Variants in CTNNA3 observed in about 807,000 individuals in gnomAD.
CTNNA3 encodes catenin alpha 3.
A neutral mutation model predicts 95.7 loss-of-function variants in CTNNA3; 76 were observed. The ratio of observed to expected loss-of-function variants is 0.79; its 90% CI spans 0.66 to 0.96. The LOEUF (loss-of-function observed/expected upper bound fraction) is 0.96. Among genes scored for constraint, CTNNA3 ranks in the 40% least tolerant of loss-of-function variants. The pLI is 0.00. For synonymous variants in CTNNA3, 431 were observed against 374.4 expected, an observed-to-expected ratio of 1.15 and a Z score of -1.74; for missense variants, 1,191 against 1,089.8, an observed-to-expected ratio of 1.09 and a Z score of -1.31.
chr10:67,546,689 A>G (rs1050932400), intron 3 of CTNNA3, among the ~76,000 whole-genome samples: 13 of 152,084 alleles, frequency 8.5e-5, no homozygotes, highest in Non-Finnish European at 1.8e-4. Context: ...TTTCCCAACA[A>G]CCTATTGACT....
At chr10:65,946,959 T>C (rs78306982) in intron 17 of CTNNA3, among the ~76,000 whole-genome samples, 5,452 of 152,244 alleles carry the variant, frequency 0.036, 296 homozygotes, top group African/African-American at 0.12. Context: ...TGTCTCTATG[T>C]CCATTGTTGA....
At chr10:66,805,622 C>T (rs1161491193) in intron 7 of CTNNA3, among the ~76,000 whole-genome samples, 1 of 151,306 alleles carries the variant, frequency 6.6e-6, no homozygotes, top group Non-Finnish European at 1.5e-5. Flanking sequence ...GTCTATTTTT[C>T]TCAGAAAATT....
At chr10:66,130,402 A>G (rs1035881667) in intron 13 of CTNNA3, among the ~76,000 whole-genome samples, 1 of 151,994 alleles carries the variant, frequency 6.6e-6, no homozygotes, top group African/African-American at 2.4e-5. Context: ...AAAACCATTC[A>G]AAACATCAAC....
intron 9 of CTNNA3, among the ~76,000 whole-genome samples, chr10:66,644,917 C>A (rs1174400489): frequency 2.0e-5 from 3 of 152,138 alleles, no homozygotes; most frequent in African/African-American, 4.8e-5. Context: ...AATCCCACAT[C>A]CTCCTGCTAG....
At chr10:66,270,742 G>A (rs1173758040) in intron 13 of CTNNA3, among the ~76,000 whole-genome samples, 1 of 152,232 alleles carries the variant, frequency 6.6e-6, no homozygotes, top group South Asian at 2.1e-4. Flanking sequence ...CAAGGATGAA[G>A]CTGACCTGAA....
chr10:66,155,873 C>T (rs72795342), intron 13 of CTNNA3, among the ~76,000 whole-genome samples: 26,715 of 151,406 alleles, frequency 0.18, 2,829 homozygotes, highest in South Asian at 0.4. Flanking sequence ...TCAATGAATC[C>T]ACAGTGTGAG....
At chr10:67,535,441 A>G (rs1268560180) in intron 4 of CTNNA3, among the ~76,000 whole-genome samples, 2 of 151,038 alleles carry the variant, frequency 1.3e-5, no homozygotes, top group Non-Finnish European at 2.9e-5. Flanking sequence ...ATGAATATAA[A>G]TGTAACTTCT....
intron 9 of CTNNA3, among the ~76,000 whole-genome samples, chr10:66,709,948 A>C (rs1386204515): frequency 6.6e-6 from 1 of 152,200 alleles, no homozygotes; most frequent in East Asian, 1.9e-4. Flanking sequence ...ATTAAGAAAG[A>C]AACTAATAAC....
intron 6 of CTNNA3, among the ~76,000 whole-genome samples, chr10:67,185,683 A>T (rs1467724866): frequency 6.6e-6 from 1 of 151,948 alleles, no homozygotes; most frequent in Non-Finnish European, 1.5e-5. Context: ...TCTTTGGCCC[A>T]CTCATTTAGT....
At chr10:66,898,743 G>C (rs980449506) in intron 7 of CTNNA3, among the ~76,000 whole-genome samples, 3 of 152,108 alleles carry the variant, frequency 2.0e-5, no homozygotes, top group African/African-American at 7.2e-5. Context: ...ATCTGGCAAT[G>C]TAAAACTCCT....
intron 5 of CTNNA3, among the ~76,000 whole-genome samples, chr10:67,282,753 TCAAGATTG>T (rs1839448873): frequency 6.6e-6 from 1 of 152,172 alleles, no homozygotes; most frequent in South Asian, 2.1e-4. Context: ...CTACTGACTT[TCAAGATTG>T]GGGCTCAGAA....
intron 12 of CTNNA3, among the ~76,000 whole-genome samples, chr10:66,324,214 G>T (rs1316008758): frequency 1.3e-5 from 2 of 151,952 alleles, no homozygotes; most frequent in African/African-American, 2.4e-5. Context: ...CAGCTACTTG[G>T]GAGGCTGAGG....
chr10:66,537,163 G>C (rs535688904), intron 10 of CTNNA3, among the ~76,000 whole-genome samples: 1 of 152,034 alleles, frequency 6.6e-6, no homozygotes, highest in East Asian at 1.9e-4. Flanking sequence ...TCTTCAGTTT[G>C]ACAAATAGTT....
chr10:67,519,739 C>T (rs1045206613), intron 5 of CTNNA3, among the ~76,000 whole-genome samples: 10 of 152,098 alleles, frequency 6.6e-5, no homozygotes, highest in African/African-American at 2.4e-4. Flanking sequence ...AGGGAACAAA[C>T]CATGACTAAT....
At chr10:66,689,523 C>T (rs376047707) in intron 9 of CTNNA3, among the ~76,000 whole-genome samples, 1 of 152,064 alleles carries the variant, frequency 6.6e-6, no homozygotes, top group Admixed American at 6.6e-5. Flanking sequence ...TTGCTATTAA[C>T]ATGAACAAAA....
At chr10:66,044,302 A>T (rs2079773886) in intron 15 of CTNNA3, among the ~76,000 whole-genome samples, 1 of 152,266 alleles carries the variant, frequency 6.6e-6, no homozygotes, top group South Asian at 2.1e-4. Context: ...TCCATTTTTT[A>T]TCCAGAAAAA....
chr10:67,389,112 T>G (rs1408342303), intron 5 of CTNNA3, among the ~76,000 whole-genome samples: 2 of 151,804 alleles, frequency 1.3e-5, no homozygotes, highest in Admixed American at 6.6e-5. Context: ...AGACACAGAC[T>G]GGCAAATTGG....
intron 15 of CTNNA3, among the ~76,000 whole-genome samples, chr10:65,998,286 T>A (rs550144594): frequency 6.6e-6 from 1 of 152,342 alleles, no homozygotes; most frequent in African/African-American, 2.4e-5. Context: ...CAAACACCTA[T>A]ATAATTGGAT....
At chr10:67,550,514 A>G (rs531515288) in intron 3 of CTNNA3, among the ~76,000 whole-genome samples, 9 of 152,218 alleles carry the variant, frequency 5.9e-5, no homozygotes, top group Non-Finnish European at 1.2e-4. Context: ...AATAAAGAAA[A>G]TAGGTGAAAT....
Sources: gnomAD v4.1 joint callset for allele counts (sites outside exome capture counted in the v4.1 genomes callset) on GRCh38, gnomAD v4.1.1 for gene constraint, MANE v1.5 for transcripts, NCBI Gene and HGNC (gene_info 2026-07-23, HGNC 2026-07-21) for gene names.